The following SLC44A3 variants were observed in gnomAD, a reference collection of about 807,000 sequenced individuals.
SLC44A3 encodes choline transporter-like protein 3.
A neutral mutation model predicts 75.4 loss-of-function variants in SLC44A3; 74 were observed. The ratio of observed to expected loss-of-function variants is 0.98; its 90% CI spans 0.81 to 1.19. The LOEUF is 1.19. SLC44A3 is among the 50% of genes most tolerant of loss of function. SLC44A3 has a pLI of 0.00. For missense variants in SLC44A3, 700 were observed against 778.6 expected, an observed-to-expected ratio of 0.90 and a Z score of 1.20; for synonymous variants, 310 against 296.9, an observed-to-expected ratio of 1.04 and a Z score of -0.45.
At chr1:94,849,438 C>G (rs1168985209) in intron 9 of SLC44A3, among the ~76,000 whole-genome samples, 1 of 152,182 alleles carries the variant, frequency 6.6e-6, no homozygotes, top group African/African-American at 2.4e-5. Flanking sequence ...CCCAGGTGCA[C>G]AGGGTCCCCT....
chr1:94,880,196 G>A (rs1399422025), intron 12 of SLC44A3, among the ~76,000 whole-genome samples: 1 of 152,202 alleles, frequency 6.6e-6, no homozygotes, highest in East Asian at 1.9e-4. Context: ...AGAATTCGAA[G>A]CGGGATCTCA....
chr1:94,872,473 C>T (rs1667868238), intron 12 of SLC44A3, among the ~76,000 whole-genome samples: 1 of 151,880 alleles, frequency 6.6e-6, no homozygotes, highest in Non-Finnish European at 1.5e-5. Context: ...CTTCTTCCAG[C>T]AGAAGTGGGA....
At chr1:94,887,838 T>A in intron 12 of SLC44A3, among the ~76,000 whole-genome samples, 1 of 151,926 alleles carries the variant, frequency 6.6e-6, no homozygotes, top group Non-Finnish European at 1.5e-5. Context: ...TGGCAGGTGG[T>A]CTAAAAAGCC....
In SLC44A3 at chr1:94,894,994, C is replaced by A; in HGVS notation, c.*72C>A. ...CCATTTACAGAATAGAAGATGAGAC[C>A]ACTAGAGAAAAGTTAGTGAATTTTT... On this transcript the variant is annotated 3_prime_UTR_variant, in exon 15 of 15. Coordinates refer to ENST00000271227, the MANE Select transcript of SLC44A3 (RefSeq NM_001114106.3). The A allele has an allele frequency of 8.4e-7, 1 of 1,196,442 alleles. No individual in the cohort carries two copies. Among genetic ancestry groups the A allele is most frequent in the Non-Finnish European group, 1.2e-6 (1 of 848,838 alleles). 74.1% of individuals were successfully genotyped at this position (1,196,442 alleles called of 1,614,324 possible). A position where few individuals can be genotyped will look rare whatever the true frequency, so the allele number is the denominator to read the frequency against.
At chr1:94,826,525 C>T (rs1409211536) in intron 3 of SLC44A3, among the ~76,000 whole-genome samples, 9 of 151,986 alleles carry the variant, frequency 5.9e-5, no homozygotes, top group Admixed American at 5.9e-4. Flanking sequence ...GTGGCAGGCA[C>T]CAGTAGTCCC....
At chr1:94,876,296 A>C (rs1263738973) in intron 12 of SLC44A3, among the ~76,000 whole-genome samples, 1 of 152,228 alleles carries the variant, frequency 6.6e-6, no homozygotes, top group Non-Finnish European at 1.5e-5. Context: ...AAATAAAATG[A>C]AACCATTAAA....
chr1:94,874,597 G>A (rs1369023083), intron 12 of SLC44A3, among the ~76,000 whole-genome samples: 6 of 152,216 alleles, frequency 3.9e-5, no homozygotes, highest in African/African-American at 1.4e-4. Flanking sequence ...GAACTCCTGC[G>A]AGGCAATTGA....
In SLC44A3 at chr1:94,862,099, A is replaced by G. The variant is rs547301422; in HGVS notation, c.1239-2644A>G. 7.2e-5 allele frequency among the ~76,000 whole-genome samples: 11 copies of G among 152,324 alleles called. No homozygotes were observed. In the South Asian group the frequency reaches 8.3e-4, roughly 11 times the overall value. Reference sequence around the variant, plus strand: ...GCTAAAGAATCCTCTTCTTTCTAATAAAGACGATTTTCATTTTCTGTAGAA... The same window carrying G: ...GCTAAAGAATCCTCTTCTTTCTAATGAAGACGATTTTCATTTTCTGTAGAA... On this transcript the variant is annotated intron_variant, in intron 10 of 14. Transcript: ENST00000271227.
At chr1:94,890,750 G>A (rs1461064330) in intron 12 of SLC44A3, among the ~76,000 whole-genome samples, 1 of 152,174 alleles carries the variant, frequency 6.6e-6, no homozygotes, top group East Asian at 1.9e-4. Context: ...AGGAGGCCAA[G>A]GTACAAGAAT....
intron 12 of SLC44A3, 146 bp downstream of exon 12, chr1:94,867,563 C>A: frequency 2.1e-6 from 1 of 486,860 alleles, no homozygotes; most frequent in Non-Finnish European, 3.5e-6. Context: ...CTGTCACAAC[C>A]ACTCAATTCT....
In SLC44A3 at chr1:94,839,989, A is replaced by G; in HGVS notation, c.712A>G (p.Thr238Ala). 1 of 1,613,892 alleles carries G rather than the reference A, an allele frequency of 6.2e-7. No individual in the cohort carries two copies. Among genetic ancestry groups the G allele is most frequent in the South Asian group, 1.1e-5 (1 of 91,068 alleles). ...GATGTTTACCTTCAGATTCATCACC[A>G]CCCTTCTGGTTCACATTTTCATTTC... ...AMMFTFRFIT[T>A]LLVHIFISLV... The change falls in exon 7 of 15, where the codon ACC becomes GCC. Residue 238 changes from threonine to alanine, a missense_variant. Coordinates refer to ENST00000271227, the MANE Select transcript of SLC44A3 (RefSeq NM_001114106.3).
At chr1:94,853,695 A>G (rs552677285) in intron 9 of SLC44A3, among the ~76,000 whole-genome samples, 39 of 152,286 alleles carry the variant, frequency 2.6e-4, no homozygotes, top group African/African-American at 9.4e-4. Context: ...CAGTTTTCTC[A>G]GTGAAACAGG....
At chr1:94,886,795 C>T (rs1669640090) in intron 12 of SLC44A3, among the ~76,000 whole-genome samples, 1 of 152,142 alleles carries the variant, frequency 6.6e-6, no homozygotes, top group South Asian at 2.1e-4. Context: ...ACTAATCCAC[C>T]TGTACCTGGA....
In SLC44A3 at chr1:94,882,466, T is replaced by A. The variant is rs189617487; in HGVS notation, c.1483-8664T>A. Among the ~76,000 whole-genome samples the A allele has an allele frequency of 1.3e-3, 198 of 152,294 alleles. 1 individual carries two copies. The highest frequency in any genetic ancestry group is 2.5e-3 in the South Asian group (12 of 4,826). On this transcript the variant is annotated intron_variant, in intron 12 of 14. Coordinates refer to ENST00000271227, the MANE Select transcript of SLC44A3 (RefSeq NM_001114106.3). The stretch of plus-strand genomic sequence containing the variant: ...GTTTCCCATGTCACAGGTCCACTGT[T>A]TAATTTTGCCTTCCAGAAAGCCAGG...
intron 12 of SLC44A3, among the ~76,000 whole-genome samples, chr1:94,876,740 G>A (rs1668333452): frequency 6.6e-6 from 1 of 152,208 alleles, no homozygotes; most frequent in Non-Finnish European, 1.5e-5. Context: ...AGATTCAGAT[G>A]TGCAGATGAT....
chr1:94,830,375 G>A (rs562370937), intron 5 of SLC44A3, among the ~76,000 whole-genome samples: 2 of 152,216 alleles, frequency 1.3e-5, no homozygotes, highest in South Asian at 4.2e-4. Flanking sequence ...ACCATACCCA[G>A]CTAATGTTTT....
In SLC44A3 at chr1:94,891,206, A is replaced by G. The variant is rs1480336517; in HGVS notation, c.1559A>G (p.Lys520Arg). Residue 520 changes from lysine (K) to arginine (R), a missense_variant, in exon 13 of 15, where the codon AAG becomes AGG. Transcript: ENST00000271227. ...SAKDAFKILS[K>R]NSSHFTSINC... ...AAAGATGCATTCAAAATCTTGTCCA[A>G]GAACTCAAGTCACTTTACATCTATT... 1.2e-6 allele frequency: 2 copies of G among 1,613,710 alleles called. No homozygotes were observed. The highest frequency in any genetic ancestry group is 2.2e-5 in the South Asian group (2 of 91,034).
chr1:94,848,844 T>A (rs1664804032), intron 9 of SLC44A3, among the ~76,000 whole-genome samples: 1 of 152,040 alleles, frequency 6.6e-6, no homozygotes, highest in Non-Finnish European at 1.5e-5. Flanking sequence ...CCGTAACCCA[T>A]GCTGTGAGTC....
At chr1:94,857,877 G>A (rs1397914746) in intron 10 of SLC44A3, among the ~76,000 whole-genome samples, 6 of 140,728 alleles carry the variant, frequency 4.3e-5, no homozygotes, top group South Asian at 4.6e-4. Context: ...GCAGTGGCGC[G>A]ATCTTGGCTC....
Sources: allele counts gnomAD v4.1 joint callset (sites outside exome capture counted in the v4.1 genomes callset), GRCh38; gene constraint gnomAD v4.1.1; transcripts MANE v1.5; gene names NCBI Gene and HGNC (gene_info 2026-07-23, HGNC 2026-07-21).